The following CDYL variants were observed in gnomAD, a reference collection of about 807,000 sequenced individuals.
CDYL encodes chromodomain Y like.
CDYL carries 8 observed loss-of-function variants against 47.3 expected under a neutral mutation model. The ratio of observed to expected loss-of-function variants is 0.17; its 90% CI spans 0.10 to 0.31. The LOEUF is 0.31. Among genes scored for constraint, CDYL ranks in the 10% least tolerant of loss-of-function variants. The pLI, the probability that CDYL is intolerant of heterozygous loss-of-function variation, is 1.00. For missense variants in CDYL, 471 were observed against 701.4 expected, an observed-to-expected ratio of 0.67 and a Z score of 3.71; for synonymous variants, 266 against 265.0, an observed-to-expected ratio of 1.00 and a Z score of -0.04.
chr6:4,926,837 A>G (rs1412937910), intron 2 of CDYL, among the ~76,000 whole-genome samples: 1 of 151,920 alleles, frequency 6.6e-6, no homozygotes, highest in African/African-American at 2.4e-5. Flanking sequence ...TTTTTCATGT[A>G]TGATTTTGGG....
At chr6:4,928,344 T>A (rs1757940129) in intron 2 of CDYL, among the ~76,000 whole-genome samples, 4 of 152,228 alleles carry the variant, frequency 2.6e-5, no homozygotes, top group African/African-American at 9.6e-5. Context: ...CCATTTTTTT[T>A]AAGTTGTTTA....
At chr6:4,747,108 A>G (rs1582306601) in intron 3 of CDYL, among the ~76,000 whole-genome samples, 1 of 152,226 alleles carries the variant, frequency 6.6e-6, no homozygotes, top group Middle Eastern at 3.4e-3. Context: ...AGAGTTCAAG[A>G]CCAGCCTGGC....
Position 4,821,260 on chromosome 6 carries a change from C to CTTT in CDYL, c.24+44480_24+44482dup, listed in dbSNP as rs1176819548. Among the ~76,000 whole-genome samples, 172 of 60,384 alleles carry CTTT rather than the reference C, an allele frequency of 2.8e-3. 18 individuals carry two copies. The highest frequency in any genetic ancestry group is 8.2e-3 in the African/African-American group (114 of 13,902). The allele number at this position is 60,384 out of a possible 152,430, so 39.6% of individuals were successfully genotyped here. On this transcript the variant is annotated intron_variant, in intron 1 of 6. Transcript: ENST00000397588. ...TGATTATCATGGTCATATGGGAATT[C>CTTT]TTTTTTTTTTTTTTTTTTTTTTTTT...
chr6:4,930,448 C>T (rs1344625758), intron 2 of CDYL, among the ~76,000 whole-genome samples: 1 of 152,224 alleles, frequency 6.6e-6, no homozygotes, highest in African/African-American at 2.4e-5. Context: ...CATCCCTGCA[C>T]CTGCACTGTG....
intron 3 of CDYL, among the ~76,000 whole-genome samples, chr6:4,767,795 T>C (rs1028008021): frequency 6.6e-6 from 1 of 152,248 alleles, no homozygotes; most frequent in Non-Finnish European, 1.5e-5. Flanking sequence ...CCTCACTTTA[T>C]AGGCATGCTG....
intron 1 of CDYL, among the ~76,000 whole-genome samples, chr6:4,835,275 G>T (rs1760265142): frequency 6.6e-6 from 1 of 152,136 alleles, no homozygotes. Context: ...CTGTTTGTTA[G>T]TTTTCTTTCT....
intron 2 of CDYL, among the ~76,000 whole-genome samples, chr6:4,899,721 T>C (rs1756960551): frequency 6.6e-6 from 1 of 152,210 alleles, no homozygotes; most frequent in Non-Finnish European, 1.5e-5. Context: ...TGCCTTTAGC[T>C]AAAAATAATC....
At chr6:4,953,724 G>A (rs1758781035) in intron 6 of CDYL, among the ~76,000 whole-genome samples, 174 bp from the exon 7 acceptor site, 1 of 152,202 alleles carries the variant, frequency 6.6e-6, no homozygotes, top group Admixed American at 6.5e-5. Context: ...AGTGCCAAGT[G>A]TGAAATGTGC....
intron 2 of CDYL, among the ~76,000 whole-genome samples, chr6:4,733,403 G>A (rs1757643733): frequency 6.7e-6 from 1 of 148,268 alleles, no homozygotes; most frequent in African/African-American, 2.5e-5. Context: ...CCGTAAAAAT[G>A]TATGTGACTC....
chr6:4,737,297 CA>C (rs1012076958), intron 3 of CDYL, among the ~76,000 whole-genome samples: 1 of 151,844 alleles, frequency 6.6e-6, no homozygotes, highest in Non-Finnish European at 1.5e-5. Context: ...ACTACACACA[CA>C]AAAAAAGATG....
At chr6:4,877,588 A>G (rs1303349231) in intron 1 of CDYL, among the ~76,000 whole-genome samples, 1 of 152,230 alleles carries the variant, frequency 6.6e-6, no homozygotes, top group Admixed American at 6.5e-5. Context: ...TTGACCAAAT[A>G]GATTTCTTGG....
At chr6:4,925,198 A>G (rs1238469068) in intron 2 of CDYL, among the ~76,000 whole-genome samples, 2 of 152,152 alleles carry the variant, frequency 1.3e-5, no homozygotes, top group Non-Finnish European at 2.9e-5. Flanking sequence ...AATTGTGCAT[A>G]AATGTGTGAC....
chr6:4,838,038 A>G (rs897534143), intron 1 of CDYL, among the ~76,000 whole-genome samples: 1 of 152,034 alleles, frequency 6.6e-6, no homozygotes, highest in Non-Finnish European at 1.5e-5. Context: ...TCATCCTTCA[A>G]AAGTGCTGAG....
chr6:4,780,172 CTTAGAGCTGGAAGATCTGGGT>C (rs1758572945), intron 1 of CDYL, among the ~76,000 whole-genome samples: 1 of 151,610 alleles, frequency 6.6e-6, no homozygotes, highest in Non-Finnish European at 1.5e-5. Context: ...CAGCTCTAGA[CTTAGAGCTGGAAGATCTGGGT>C]GGTAATCCTC....
At chr6:4,830,270 A>G (rs1760098695) in intron 1 of CDYL, among the ~76,000 whole-genome samples, 1 of 152,266 alleles carries the variant, frequency 6.6e-6, no homozygotes, top group Non-Finnish European at 1.5e-5. Context: ...AACAGTGTTA[A>G]TAAATCTAAA....
At chr6:4,895,450 TATATACATGTATAC>T (rs1159982908) in intron 2 of CDYL, among the ~76,000 whole-genome samples, 1 of 8,310 alleles carries the variant, frequency 1.2e-4, no homozygotes, top group African/African-American at 1.2e-4. Context: ...TATATATGCA[TATATACATGTATAC>T]ATATATACGT....
chr6:4,846,517 A>G (rs1207272595), intron 1 of CDYL, among the ~76,000 whole-genome samples: 1 of 152,210 alleles, frequency 6.6e-6, no homozygotes, highest in African/African-American at 2.4e-5. Context: ...TGATGCCAGC[A>G]TGCTTTCTTC....
At chr6:4,788,480 C>CCAAAAAAAAAAAAAA (rs1758820985) in intron 1 of CDYL, among the ~76,000 whole-genome samples, 1 of 61,064 alleles carries the variant, frequency 1.6e-5, no homozygotes, top group African/African-American at 7.4e-5. Flanking sequence ...GAGACTCTGT[C>CCAAAAAAAAAAAAAA]AAAAAAAAAA....
chr6:4,852,383 T>TTCCAATCTTCCTTCCTTCCTTCCA (rs771959396), intron 1 of CDYL, among the ~76,000 whole-genome samples: 5 of 132,886 alleles, frequency 3.8e-5, no homozygotes, highest in African/African-American at 1.7e-4. Context: ...CCTTCCTTCC[T>TTCCAATCTTCCTTCCTTCCTTCCA]ATCTTCCTTC....
Sources: allele counts gnomAD v4.1 joint callset (sites outside exome capture counted in the v4.1 genomes callset), GRCh38; gene constraint gnomAD v4.1.1; transcripts MANE v1.5; gene names NCBI Gene and HGNC (gene_info 2026-07-23, HGNC 2026-07-21).